The following RBBP8 variants were observed in gnomAD, a reference collection of about 807,000 sequenced individuals.
RBBP8 encodes DNA endonuclease RBBP8.
A neutral mutation model predicts 108.3 loss-of-function variants in RBBP8; 88 were observed. The ratio of observed to expected loss-of-function variants is 0.81; its 90% CI spans 0.68 to 0.97. The LOEUF (loss-of-function observed/expected upper bound fraction) is 0.97. Among genes scored for constraint, RBBP8 ranks in the 50% least tolerant of loss-of-function variants. The pLI is 0.00. For synonymous variants in RBBP8, 332 were observed against 348.2 expected, an observed-to-expected ratio of 0.95 and a Z score of 0.52; for missense variants, 1,023 against 1,049.0, an observed-to-expected ratio of 0.98 and a Z score of 0.34.
intron 5 of RBBP8, among the ~76,000 whole-genome samples, chr18:22,970,036 A>T (rs889287347): frequency 6.6e-6 from 1 of 152,222 alleles, no homozygotes; most frequent in African/African-American, 2.4e-5. Context: ...CCTTATATAA[A>T]GTCACATAGT....
intron 3 of RBBP8, 120 bp downstream of exon 3, chr18:22,946,606 A>T (rs565386751): frequency 7.9e-6 from 11 of 1,395,400 alleles, no homozygotes; most frequent in Admixed American, 2.4e-5. Context: ...TCTTATTTAT[A>T]AAAAAAATTA....
intron 3 of RBBP8, among the ~76,000 whole-genome samples, chr18:22,922,293 A>G (rs746835698): frequency 2.6e-5 from 4 of 152,180 alleles, no homozygotes; most frequent in Non-Finnish European, 5.9e-5. Flanking sequence ...TTCTGTTAGA[A>G]TAACTAAATG....
intron 3 of RBBP8, among the ~76,000 whole-genome samples, chr18:22,922,545 C>T (rs1266130771): frequency 1.3e-5 from 2 of 152,116 alleles, no homozygotes; most frequent in Non-Finnish European, 2.9e-5. Context: ...TCACTGCAAC[C>T]TCCACCTCCC....
intron 4 of RBBP8, among the ~76,000 whole-genome samples, chr18:22,951,526 A>T (rs1348338256): frequency 1.3e-5 from 2 of 152,216 alleles, no homozygotes; most frequent in African/African-American, 4.8e-5. Flanking sequence ...CAGACACCAG[A>T]TGTGAGGAGG....
rs370650618 is a variant in RBBP8 at position 22,975,158 on chromosome 18, G to C, written c.367G>C (p.Glu123Gln). The part of the protein sequence containing the change: ...NLKLITELMN[E>Q]RNTLQEENKK... ...TTTTTCACATTGTTTTTAAGTGAATGAAAGGAATACTCTACAGGAAGAAAA... is the reference window on the plus strand; with the variant it reads ...TTTTTCACATTGTTTTTAAGTGAATCAAAGGAATACTCTACAGGAAGAAAA... Residue 123 changes from glutamate (E) to glutamine (Q), a missense_variant, in exon 6 of 19, where the codon GAA becomes CAA. By Grantham distance (29) the Glu-to-Gln change is conservative. Transcript: ENST00000327155. 1.2e-6 allele frequency: 2 copies of C among 1,610,812 alleles called. No homozygotes were observed. The highest frequency in any genetic ancestry group is 2.2e-5 in the East Asian group (1 of 44,668).
At chr18:22,977,716 T>A (rs1914590661) in intron 6 of RBBP8, 1 of 152,174 alleles carries the variant, frequency 6.6e-6, no homozygotes, top group Non-Finnish European at 1.5e-5. Context: ...TGAGACAAAA[T>A]TATTAGAAAA....
rs534815708 is a variant in RBBP8, at chr18:22,914,811, C to T, written c.-306+505C>T. 5.3e-5 allele frequency among the ~76,000 whole-genome samples: 8 copies of T among 152,144 alleles called. No homozygotes were observed. The South Asian group carries it at 6.2e-4, about 12-fold the overall frequency. On this transcript the variant is annotated intron_variant, in intron 1 of 4. Transcript: ENST00000577588. ...ATTGAGGAGTGTGAAAAACAAAGACCGTGGAATCTGGTAACTGATTAACTA... is the reference window on the plus strand; with the variant it reads ...ATTGAGGAGTGTGAAAAACAAAGACTGTGGAATCTGGTAACTGATTAACTA...
At chr18:22,921,141 T>C (rs948849449) in intron 3 of RBBP8, among the ~76,000 whole-genome samples, 1 of 152,224 alleles carries the variant, frequency 6.6e-6, no homozygotes, top group African/African-American at 2.4e-5. Flanking sequence ...CTGAGACCTC[T>C]GGCTTATGTG....
intron 2 of RBBP8, among the ~76,000 whole-genome samples, chr18:22,940,055 G>A (rs956602744): frequency 1.3e-5 from 2 of 151,000 alleles, no homozygotes; most frequent in South Asian, 2.1e-4. Context: ...AGTTTTGGGG[G>A]AGGTGGATAG....
At chr18:22,975,832 A>C (rs1331070115) in intron 6 of RBBP8, among the ~76,000 whole-genome samples, 3 of 152,084 alleles carry the variant, frequency 2.0e-5, no homozygotes, top group African/African-American at 7.2e-5. Flanking sequence ...TAGGACTGTC[A>C]CTCAGACCCA....
intron 8 of RBBP8, among the ~76,000 whole-genome samples, chr18:22,988,864 C>A (rs749513943): frequency 2.0e-4 from 30 of 152,112 alleles, no homozygotes; most frequent in Admixed American, 4.6e-4. Flanking sequence ...TGAAAGAGAG[C>A]GTAAATATAG....
chr18:22,923,909 T>G (rs1173679450), intron 3 of RBBP8, among the ~76,000 whole-genome samples: 2 of 152,114 alleles, frequency 1.3e-5, no homozygotes, highest in Non-Finnish European at 2.9e-5. Context: ...TACATATCTA[T>G]TACAAGGCAA....
intron 17 of RBBP8, among the ~76,000 whole-genome samples, chr18:23,017,169 A>G (rs1010293326): frequency 6.6e-6 from 1 of 152,006 alleles, no homozygotes; most frequent in Non-Finnish European, 1.5e-5. Context: ...GGCCTGGCCA[A>G]CATGGCGAAA....
intron 3 of RBBP8, among the ~76,000 whole-genome samples, chr18:22,927,832 T>C (rs766375392): frequency 7.3e-5 from 11 of 151,542 alleles, no homozygotes; most frequent in Admixed American, 3.3e-4. Context: ...GAGGCAGAGG[T>C]TGCAGTGAGT....
Position 22,992,989 on chromosome 18 carries a change from C to T in RBBP8, c.1162C>T (p.His388Tyr). ...TGAAGATAGTGCCCTTTTCACACATCACAGTCTTGGGTCTGAAGTGAACAA... is the reference window on the plus strand; with the variant it reads ...TGAAGATAGTGCCCTTTTCACACATTACAGTCTTGGGTCTGAAGTGAACAA... Reference protein sequence around the residue: ...KSEDSALFTHHSLGSEVNKII... With the variant: ...KSEDSALFTHYSLGSEVNKII... Residue 388 changes from histidine to tyrosine, a missense_variant, in exon 11 of 19, where the codon CAC becomes TAC. Physicochemically the swap from His to Tyr is moderately conservative, Grantham distance 83. Transcript: ENST00000327155. The T allele has an allele frequency of 6.2e-7, 1 of 1,613,568 alleles. No individual in the cohort carries two copies. The highest frequency in any genetic ancestry group is 8.5e-7 in the Non-Finnish European group (1 of 1,179,510).
intron 4 of RBBP8, among the ~76,000 whole-genome samples, chr18:22,963,006 T>C (rs961732032): frequency 2.0e-5 from 3 of 152,188 alleles, no homozygotes; most frequent in African/African-American, 7.2e-5. Flanking sequence ...AGTCAAACAA[T>C]TGTACTGATC....
chr18:23,007,391 T>C (rs1211084417), intron 16 of RBBP8, among the ~76,000 whole-genome samples: 1 of 152,008 alleles, frequency 6.6e-6, no homozygotes, highest in Non-Finnish European at 1.5e-5. Context: ...TATTAAATTG[T>C]ATAAGTTTTA....
intron 1 of RBBP8, among the ~76,000 whole-genome samples, chr18:22,934,476 GTCT>G (rs1053109473): frequency 2.8e-3 from 418 of 151,990 alleles, no homozygotes; most frequent in African/African-American, 9.5e-3. Flanking sequence ...AATCGTTTAT[GTCT>G]TCTTTTTTTT....
chr18:22,942,307 C>T (rs1032875539), intron 2 of RBBP8, among the ~76,000 whole-genome samples: 6 of 152,124 alleles, frequency 3.9e-5, no homozygotes, highest in Admixed American at 3.3e-4. Context: ...TTGCTTGAAT[C>T]TGAATGCTCT....
Sources: allele counts gnomAD v4.1 joint callset (sites outside exome capture counted in the v4.1 genomes callset), GRCh38; gene constraint gnomAD v4.1.1; transcripts MANE v1.5; gene names NCBI Gene and HGNC (gene_info 2026-07-23, HGNC 2026-07-21).